Variants in DOCK10 observed in about 807,000 individuals in gnomAD.
DOCK10 encodes dedicator of cytokinesis protein 10.
Under a neutral mutation model 280.1 loss-of-function variants are expected in DOCK10, and 145 were observed. The ratio of observed to expected loss-of-function variants is 0.52; its 90% CI spans 0.45 to 0.59. The LOEUF is 0.59. DOCK10 is among the 20% of genes least tolerant of loss of function. The pLI, the probability that DOCK10 is intolerant of heterozygous loss-of-function variation, is 0.00. For missense variants in DOCK10, 2,368 were observed against 2,651.7 expected (o/e 0.89, Z 2.35); for synonymous variants, 915 against 942.2 (o/e 0.97, Z 0.53).
chr2:224,934,497 A>G (rs539013388), intron 1 of DOCK10, among the ~76,000 whole-genome samples: 22 of 152,358 alleles, frequency 1.4e-4, no homozygotes, highest in African/African-American at 5.3e-4. Context: ...TAGTGTCTAG[A>G]GCCTGGGATT....
rs1690211145 is a variant in DOCK10 at position 225,035,552 on chromosome 2, ATATATATATATATATATATAT to A, written c.123+6679_123+6699del. ...ATGATATGATATATATTATATATAT[ATATATATATATATATATATAT>A]ATATATATATATATAACACTGAATC... On this transcript the variant is annotated intron_variant, in intron 1 of 55. Coordinates refer to ENST00000258390, the MANE Select transcript of DOCK10 (RefSeq NM_014689.3). Among the ~76,000 whole-genome samples, 2 of 20,876 alleles carry A rather than the reference ATATATATATATATATATATAT, an allele frequency of 9.6e-5. 1 individual carries two copies. 13.7% of individuals were successfully genotyped at this position (20,876 alleles called of 152,430 possible).
At chr2:224,879,226 T>A (rs562065951) in intron 7 of DOCK10, among the ~76,000 whole-genome samples, 72 of 152,184 alleles carry the variant, frequency 4.7e-4, no homozygotes, top group African/African-American at 1.7e-3. Context: ...GCAGCTTCCT[T>A]CCGAAGGCAA....
At chr2:224,782,032 T>G (rs1691378065) in intron 50 of DOCK10, among the ~76,000 whole-genome samples, 1 of 152,160 alleles carries the variant, frequency 6.6e-6, no homozygotes, top group Non-Finnish European at 1.5e-5. Flanking sequence ...CTAGGCTAAA[T>G]GCTAAGAGAA....
chr2:225,021,689 AGCTAGAAGAGTC>A (rs1281977820), intron 1 of DOCK10, among the ~76,000 whole-genome samples: 1 of 152,198 alleles, frequency 6.6e-6, no homozygotes, highest in Non-Finnish European at 1.5e-5. Context: ...TTGGGACAAA[AGCTAGAAGAGTC>A]GCAGGTTTTT....
chr2:224,886,019 A>C lies in DOCK10; in HGVS notation c.612+44T>G, dbSNP rs766242154. On this transcript the variant is annotated intron_variant, in intron 6 of 55. Transcript: ENST00000258390. ...TGCTGTGACCAGAGGAGGGAGTGTT[A>C]AGAAGGGTGACAGAGATAAAGATGA... The C allele has an allele frequency of 1.9e-6, 3 of 1,612,142 alleles. No individual in the cohort carries two copies. The South Asian group carries it at 3.3e-5, about 18-fold the overall frequency.
At chr2:224,802,279 T>C (rs553449581) in intron 39 of DOCK10, among the ~76,000 whole-genome samples, 1 of 152,218 alleles carries the variant, frequency 6.6e-6, no homozygotes, top group East Asian at 1.9e-4. Context: ...GAATAACAGG[T>C]CATTGAGTGA....
chr2:224,907,153 A>T (rs1700698241), intron 3 of DOCK10, among the ~76,000 whole-genome samples: 1 of 152,218 alleles, frequency 6.6e-6, no homozygotes, highest in Admixed American at 6.5e-5. Context: ...GAGAAAGGCT[A>T]ATCTGATAAT....
intron 3 of DOCK10, among the ~76,000 whole-genome samples, chr2:224,898,765 A>T (rs2125841122): frequency 6.6e-6 from 1 of 152,140 alleles, no homozygotes; most frequent in South Asian, 2.1e-4. Context: ...TTTAGTAGAG[A>T]CGGGGTTCAC....
chr2:224,905,713 C>A (rs1700582862), intron 3 of DOCK10, among the ~76,000 whole-genome samples: 1 of 152,138 alleles, frequency 6.6e-6, no homozygotes, highest in Non-Finnish European at 1.5e-5. Flanking sequence ...GCATTTTATG[C>A]CATTGATGCA....
chr2:224,898,273 A>G (rs1469399535), intron 3 of DOCK10, among the ~76,000 whole-genome samples: 1 of 152,178 alleles, frequency 6.6e-6, no homozygotes, highest in Non-Finnish European at 1.5e-5. Context: ...TCTCAGTACC[A>G]CGGCTTTATT....
At chr2:224,840,300 C>T (rs1434887816) in intron 23 of DOCK10, 1 of 373,814 alleles carries the variant, frequency 2.7e-6, no homozygotes, top group Non-Finnish European at 4.9e-6. Context: ...AGGAAACACT[C>T]AATGGAGTAA....
At chr2:224,979,753 C>T (rs1457342970) in intron 1 of DOCK10, among the ~76,000 whole-genome samples, 2 of 152,240 alleles carry the variant, frequency 1.3e-5, no homozygotes, top group Non-Finnish European at 2.9e-5. Context: ...GAACGTCTTA[C>T]CGTTACATCC....
intron 28 of DOCK10, among the ~76,000 whole-genome samples, chr2:224,821,485 T>C (rs959154325): frequency 6.6e-6 from 1 of 152,196 alleles, no homozygotes; most frequent in Admixed American, 6.5e-5. Context: ...AATGACTACG[T>C]TCAGTTTTAC....
rs202032810 is a variant in DOCK10, at chr2:224,911,997, C to CAAT, written c.333+4695_333+4697dup. Among the ~76,000 whole-genome samples the CAAT allele has an allele frequency of 6.0e-3, 909 of 151,966 alleles. 7 individuals carry two copies. The highest frequency in any genetic ancestry group is 0.044 in the East Asian group (227 of 5,170). On this transcript the variant is annotated intron_variant, in intron 3 of 55. Transcript: ENST00000258390. ...TGCCATTTTCATCAGCAAACTAAAA[C>CAAT]AATAATAATAATAATAAAGAATCTG...
chr2:225,028,880 C>T (rs1689997448), intron 1 of DOCK10, among the ~76,000 whole-genome samples: 1 of 152,158 alleles, frequency 6.6e-6, no homozygotes, highest in South Asian at 2.1e-4. Flanking sequence ...ATCACATATT[C>T]AAGAAGTAAA....
At chr2:224,797,808 T>G in intron 42 of DOCK10, 24 bp downstream of exon 42, 1 of 1,607,250 alleles carries the variant, frequency 6.2e-7, no homozygotes, top group Non-Finnish European at 8.5e-7. Context: ...TACCTAAACT[T>G]CATTGAAACC....
Position 224,845,216 on chromosome 2 carries a change from G to A in DOCK10, c.2468C>T (p.Ser823Phe). ...LPPNYLSFQD[S>F]ASGKHGGSDI... ...ATTATTCAATACCTTTCCACTTGCA[G>A]AATCTTGAAAGCTTAAATAATTAGG... Residue 823 changes from serine to phenylalanine, a missense_variant, in exon 21 of 56, where the codon TCT becomes TTT. Coordinates refer to ENST00000258390, the MANE Select transcript of DOCK10 (RefSeq NM_014689.3). 1 of 1,576,654 alleles carries A rather than the reference G, an allele frequency of 6.3e-7. No homozygotes were observed. The highest frequency in any genetic ancestry group is 8.6e-7 in the Non-Finnish European group (1 of 1,159,388).
chr2:224,852,603 T>C (rs558091186), intron 17 of DOCK10, among the ~76,000 whole-genome samples, 161 bp from the exon 18 acceptor site: 2 of 152,268 alleles, frequency 1.3e-5, no homozygotes, highest in African/African-American at 4.8e-5. Flanking sequence ...AACAGAAGGA[T>C]CTGGAGAGTG....
chr2:224,913,038 GA>G (rs1019602089), intron 3 of DOCK10, among the ~76,000 whole-genome samples: 17 of 148,914 alleles, frequency 1.1e-4, no homozygotes, highest in African/African-American at 3.7e-4. Flanking sequence ...AAAAAAGAAA[GA>G]AAAAAAAATC....
Sources: gnomAD v4.1 joint callset for allele counts (sites outside exome capture counted in the v4.1 genomes callset) on GRCh38, gnomAD v4.1.1 for gene constraint, MANE v1.5 for transcripts, NCBI Gene and HGNC (gene_info 2026-07-23, HGNC 2026-07-21) for gene names.